The following CRYBG1 variants were observed in gnomAD, a reference collection of about 807,000 sequenced individuals.
CRYBG1 encodes the protein beta/gamma crystallin domain-containing protein 1.
CRYBG1 carries 139 observed loss-of-function variants against 189.2 expected under a neutral mutation model. The observed-to-expected ratio is 0.73, with a 90% CI of 0.64 to 0.85. The LOEUF is 0.85. Ranked by LOEUF, CRYBG1 falls within the 40% of genes least tolerant of loss-of-function variation. CRYBG1 has a pLI of 0.00. For missense variants in CRYBG1, 2,611 were observed against 2,675.8 expected, an observed-to-expected ratio of 0.98 and a Z score of 0.53; for synonymous variants, 1,023 against 1,017.1, an observed-to-expected ratio of 1.01 and a Z score of -0.11.
chr6:106,473,325 A>G (rs9400010), intron 2 of CRYBG1, among the ~76,000 whole-genome samples: 34,738 of 151,800 alleles, frequency 0.23, 4,092 homozygotes, highest in East Asian at 0.37. Flanking sequence ...TACCTTCCCA[A>G]CTCTTTCATC....
chr6:106,504,975 A>T (rs1293083497), intron 2 of CRYBG1, among the ~76,000 whole-genome samples: 1 of 152,110 alleles, frequency 6.6e-6, no homozygotes, highest in Non-Finnish European at 1.5e-5. Flanking sequence ...CATGTCTCAT[A>T]AAAGTCTTTC....
chr6:106,465,798 T>C (rs1324933735), intron 2 of CRYBG1, among the ~76,000 whole-genome samples: 6 of 152,224 alleles, frequency 3.9e-5, no homozygotes, highest in African/African-American at 1.4e-4. Context: ...TACAGGTCTT[T>C]TTTTGCTCTA....
chr6:106,405,051 A>C (rs1053362750), intron 1 of CRYBG1, among the ~76,000 whole-genome samples: 95 of 151,764 alleles, frequency 6.3e-4, no homozygotes, highest in African/African-American at 2.2e-3. Context: ...ACTCCCCTGG[A>C]AAGGGGACTG....
chr6:106,393,539 C>T (rs565730710), intron 1 of CRYBG1, among the ~76,000 whole-genome samples: 1 of 152,318 alleles, frequency 6.6e-6, no homozygotes, highest in African/African-American at 2.4e-5. Context: ...GGATGGTGCA[C>T]AGTCCATACC....
intron 2 of CRYBG1, 101 bp from the exon 3 acceptor site, chr6:106,511,329 T>C (rs1204555042): frequency 9.7e-7 from 1 of 1,030,828 alleles, no homozygotes; most frequent in South Asian, 2.0e-5. Flanking sequence ...AATTAGAAAC[T>C]CTGGTCTGTT....
chr6:106,384,012 A>G (rs1369072182), intron 1 of CRYBG1, among the ~76,000 whole-genome samples: 2 of 152,232 alleles, frequency 1.3e-5, no homozygotes, highest in African/African-American at 2.4e-5. Context: ...GTCTTCCTGC[A>G]GATGTGTAGT....
intron 2 of CRYBG1, among the ~76,000 whole-genome samples, chr6:106,510,359 G>A (rs1032212596): frequency 2.6e-5 from 4 of 152,296 alleles, no homozygotes; most frequent in African/African-American, 9.6e-5. Flanking sequence ...GGCAAACCCC[G>A]GAGCGCCACC....
Position 106,520,876 on chromosome 6 carries a change from A to G in CRYBG1, c.3668A>G (p.Glu1223Gly), listed in dbSNP as rs1458169307. 1 of 1,614,220 alleles carries G rather than the reference A, an allele frequency of 6.2e-7. No individual in the cohort carries two copies. The highest frequency in any genetic ancestry group is 1.1e-5 in the South Asian group (1 of 91,088). ...GTGATGCCGGAAATCAATGACAAAG[A>G]GAACAGGGACGTCACAAATGGTGGC... ...PLVMPEINDK[E>G]NRDVTNGGIK... Residue 1223 changes from glutamate to glycine, a missense_variant, in exon 4 of 22, where the codon GAG becomes GGG. This residue lies in a region of CRYBG1 where 1,622 missense variants were observed against 1,735.0 expected (regional missense o/e 0.93). Coordinates refer to ENST00000633556, the MANE Select transcript of CRYBG1 (RefSeq NM_001371242.2).
chr6:106,423,586 C>T (rs1582754218), intron 1 of CRYBG1, among the ~76,000 whole-genome samples: 1 of 151,444 alleles, frequency 6.6e-6, no homozygotes, highest in Non-Finnish European at 1.5e-5. Context: ...TGAACTTTTC[C>T]AGTTGAACTG....
rs374356555 is a variant in CRYBG1 at position 106,561,334 on chromosome 6, T to C, written c.5980-8T>C. The stretch of plus-strand genomic sequence containing the variant: ...GGTATAACAACTGCTGGGGGTTTTG[T>C]CTTCTAGAAGCGAATTTATTTCAGA... On this transcript the variant is annotated splice_polypyrimidine_tract_variant and splice_region_variant and intron_variant, in intron 19 of 21. Transcript: ENST00000633556. The C allele has an allele frequency of 6.8e-6, 11 of 1,613,054 alleles. No homozygotes were observed. The African/African-American group carries it at 1.5e-4, about 22-fold the overall frequency.
chr6:106,448,313 T>C (rs1323048342), intron 1 of CRYBG1, among the ~76,000 whole-genome samples: 2 of 152,178 alleles, frequency 1.3e-5, no homozygotes. Flanking sequence ...GCAGAGGTTA[T>C]TGGGTATACC....
At chr6:106,481,986 C>G (rs147967205) in intron 2 of CRYBG1, among the ~76,000 whole-genome samples, 1 of 128,690 alleles carries the variant, frequency 7.8e-6, no homozygotes, top group South Asian at 2.2e-4. Flanking sequence ...GACTGATACA[C>G]GTTCTCTCCC....
At chr6:106,421,451 A>T (rs942330126) in intron 1 of CRYBG1, among the ~76,000 whole-genome samples, 1 of 152,094 alleles carries the variant, frequency 6.6e-6, no homozygotes, top group Non-Finnish European at 1.5e-5. Flanking sequence ...AGTGTTTTAT[A>T]TATGTTCAGT....
intron 18 of CRYBG1, among the ~76,000 whole-genome samples, chr6:106,559,129 T>C (rs1774635508): frequency 6.6e-6 from 1 of 152,188 alleles, no homozygotes; most frequent in African/African-American, 2.4e-5. Flanking sequence ...ATTATCCAGA[T>C]TTTTAGTTTA....
At chr6:106,479,583 C>T (rs982757150) in intron 2 of CRYBG1, among the ~76,000 whole-genome samples, 1 of 152,210 alleles carries the variant, frequency 6.6e-6, no homozygotes. Flanking sequence ...TACATCCTCA[C>T]CAACACTCGT....
In CRYBG1 at chr6:106,394,087, G is replaced by A. The variant is rs547766002; in HGVS notation, c.173+33006G>A. Reference sequence around the variant, plus strand: ...CTGGATTTCAGTACAGCCTAGAATAGTCTGTCACTTCTAATCCATGCACTT... The same window carrying A: ...CTGGATTTCAGTACAGCCTAGAATAATCTGTCACTTCTAATCCATGCACTT... On this transcript the variant is annotated intron_variant, in intron 1 of 21. Transcript: ENST00000633556. 5.9e-5 allele frequency among the ~76,000 whole-genome samples: 9 copies of A among 152,326 alleles called. 1 individual carries two copies. The South Asian group carries it at 1.7e-3, about 28-fold the overall frequency.
In CRYBG1 at chr6:106,512,732, G is replaced by A. The variant is rs1399326782; in HGVS notation, c.1615G>A (p.Glu539Lys). 1.6e-5 allele frequency: 25 copies of A among 1,565,398 alleles called. No individual in the cohort carries two copies. The highest frequency in any genetic ancestry group is 3.5e-5 in the South Asian group (3 of 85,354). ...CAGCGGCCCCCGGGCTCCCGCCAAGGAGTCCCCACCCAAGAGGGTGCCCGA... is the reference window on the plus strand; with the variant it reads ...CAGCGGCCCCCGGGCTCCCGCCAAGAAGTCCCCACCCAAGAGGGTGCCCGA... ...PASGPRAPAK[E>K]SPPKRVPDPS... Residue 539 changes from glutamate to lysine, a missense_variant, in exon 3 of 22, where the codon GAG becomes AAG. Glu to Lys is a moderately conservative substitution (Grantham distance 56). Transcript: ENST00000633556.
chr6:106,503,297 G>A (rs973887507), intron 2 of CRYBG1, among the ~76,000 whole-genome samples: 6 of 152,122 alleles, frequency 3.9e-5, no homozygotes, highest in African/African-American at 4.8e-5. Context: ...GTGAGCCTAC[G>A]GAAAGATCCA....
intron 2 of CRYBG1, among the ~76,000 whole-genome samples, chr6:106,506,254 C>T (rs1773129911): frequency 6.6e-6 from 1 of 152,124 alleles, no homozygotes; most frequent in Admixed American, 6.5e-5. Flanking sequence ...TTAGTAGCAG[C>T]AAATACTTTA....
Sources: allele counts gnomAD v4.1 joint callset (sites outside exome capture counted in the v4.1 genomes callset), GRCh38; gene constraint gnomAD v4.1.1; regional missense constraint gnomAD v4.1.1; transcripts MANE v1.5; gene names NCBI Gene and HGNC (gene_info 2026-07-23, HGNC 2026-07-21).